CACNA1B: variants seen among roughly 807,000 people sequenced by gnomAD.
The protein encoded by CACNA1B is calcium voltage-gated channel subunit alpha1 B.
In CACNA1B, 70 loss-of-function variants were observed where a neutral mutation model predicts 247.2. The observed-to-expected ratio is 0.28, with a 90% CI of 0.23 to 0.35. CACNA1B has a LOEUF of 0.35. CACNA1B is among the 10% of genes least tolerant of loss of function. The pLI is 1.00. For synonymous variants in CACNA1B, 1,231 were observed against 1,294.4 expected, an observed-to-expected ratio of 0.95 and a Z score of 1.05; for missense variants, 2,367 against 3,197.4, an observed-to-expected ratio of 0.74 and a Z score of 6.26.
chr9:138,087,050 C>A (rs1004207476), intron 36 of CACNA1B, among the ~76,000 whole-genome samples: 19 of 151,152 alleles, frequency 1.3e-4, no homozygotes, highest in Non-Finnish European at 2.6e-4. Context: ...AATTAACATT[C>A]TCCTGAAAGA....
Position 138,014,601 on chromosome 9 carries a change from C to T in CACNA1B, c.2267+1366C>T, listed in dbSNP as rs971581915. The stretch of plus-strand genomic sequence containing the variant: ...AGTCCACTTAGTTTGGTTACTTGGT[C>T]CAGGGGTTTGCTACCAGGGCTCTGT... On this transcript the variant is annotated intron_variant, in intron 18 of 46. Coordinates refer to ENST00000371372, the MANE Select transcript of CACNA1B (RefSeq NM_000718.4). The surrounding 1 kb of genome is among the most constrained non-coding windows in gnomAD (Gnocchi z 6.2). 7.9e-5 allele frequency among the ~76,000 whole-genome samples: 12 copies of T among 152,104 alleles called. No homozygotes were observed. Among genetic ancestry groups the T allele is most frequent in the South Asian group, 4.1e-4 (2 of 4,822 alleles).
chr9:137,948,788 GGT>G (rs373631643), intron 6 of CACNA1B, among the ~76,000 whole-genome samples: 6 of 146,822 alleles, frequency 4.1e-5, no homozygotes, highest in African/African-American at 5.0e-5. Flanking sequence ...GTATGTGTGT[GGT>G]GTGTGTGTGT....
intron 6 of CACNA1B, among the ~76,000 whole-genome samples, chr9:137,943,088 G>A (rs12341378): frequency 8.1e-5 from 12 of 148,200 alleles, no homozygotes; most frequent in Non-Finnish European, 1.6e-4. Context: ...CTTTTGTAAA[G>A]CCTGCTGAAA....
At chr9:138,084,845 G>A (rs977242207) in intron 36 of CACNA1B, among the ~76,000 whole-genome samples, 4 of 150,598 alleles carry the variant, frequency 2.7e-5, no homozygotes, top group Non-Finnish European at 4.4e-5. Flanking sequence ...CCAGCTACTC[G>A]GGAGGCTGAG....
intron 20 of CACNA1B, among the ~76,000 whole-genome samples, chr9:138,039,926 A>G (rs986790327): frequency 2.6e-5 from 4 of 152,162 alleles, no homozygotes; most frequent in South Asian, 2.1e-4. Flanking sequence ...TGATCTGTCA[A>G]TAATTTTGTT....
chr9:138,073,143 G>C lies in CACNA1B; in HGVS notation c.4675-345G>C, dbSNP rs1277071124. On this transcript the variant is annotated intron_variant, in intron 32 of 46. Transcript: ENST00000371372. This position sits in a 1 kb window ranked among gnomAD's most constrained non-coding sequence, Gnocchi z 6.4. ...CCTGCAAGAGGTGGTCACTGCTGGAGGCCCAGCCACAGGTGATCTCCCAGC... is the reference window on the plus strand; with the variant it reads ...CCTGCAAGAGGTGGTCACTGCTGGACGCCCAGCCACAGGTGATCTCCCAGC... 6.6e-6 allele frequency among the ~76,000 whole-genome samples: 1 copy of C among 152,194 alleles called. No homozygotes were observed. Among genetic ancestry groups the C allele is most frequent in the African/African-American group, 2.4e-5 (1 of 41,448 alleles).
chr9:138,023,598 G>A lies in CACNA1B; in HGVS notation c.2855G>A (p.Gly952Asp). Reference sequence around the variant, plus strand: ...AGCAAGGAGTGCGCCGGCGCCAAGGGCGAGCGGCGCGCGCGGCACCGCGGC... The same window carrying A: ...AGCAAGGAGTGCGCCGGCGCCAAGGACGAGCGGCGCGCGCGGCACCGCGGC... ...DPSKECAGAK[G>D]ERRARHRGGP... Residue 952 changes from glycine to aspartate, a missense_variant, in exon 19 of 47, where the codon GGC (glycine) becomes GAC (aspartate). Around this residue, in one of 12 missense-constraint regions of CACNA1B, gnomAD observed 631 missense variants for 631.1 expected, o/e 1.00. Transcript: ENST00000371372. 7.3e-6 allele frequency: 8 copies of A among 1,097,498 alleles called. No individual in the cohort carries two copies. Among genetic ancestry groups the A allele is most frequent in the Non-Finnish European group, 8.9e-6 (8 of 900,420 alleles). 68.0% of individuals were successfully genotyped at this position (1,097,498 alleles called of 1,614,324 possible).
chr9:138,040,083 G>A (rs1389587556), intron 20 of CACNA1B, among the ~76,000 whole-genome samples: 4 of 151,992 alleles, frequency 2.6e-5, no homozygotes, highest in African/African-American at 4.8e-5. Flanking sequence ...GACCACAGGC[G>A]CACACCACCA....
rs577269599 is a variant in CACNA1B at position 138,044,458 on chromosome 9, C to T, written c.3413+558C>T. Among the ~76,000 whole-genome samples the T allele has an allele frequency of 2.5e-4, 38 of 152,260 alleles. No homozygotes were observed. The South Asian group carries it at 7.3e-3, about 29-fold the overall frequency. On this transcript the variant is annotated intron_variant, in intron 21 of 46. Coordinates refer to ENST00000371372, the MANE Select transcript of CACNA1B (RefSeq NM_000718.4). ...TAAGCCTGTGTGCTGGTGGGAGAGG[C>T]GGACGACAGACACGACAAATAAGTA...
intron 36 of CACNA1B, among the ~76,000 whole-genome samples, chr9:138,085,936 T>G (rs1358383087): frequency 2.0e-5 from 3 of 151,204 alleles, no homozygotes; most frequent in Non-Finnish European, 4.4e-5. Context: ...TGATAATTAC[T>G]ATCGTGAAAA....
intron 10 of CACNA1B, among the ~76,000 whole-genome samples, chr9:137,962,878 C>T (rs2133353977): frequency 6.6e-6 from 1 of 152,226 alleles, no homozygotes; most frequent in African/African-American, 2.4e-5. Context: ...GTGGAGAGTT[C>T]TGTATATATC....
At position 138,118,800 on chromosome 9, in the gene CACNA1B, C is replaced by T. The variant is rs200912818; in HGVS notation, c.6030+32C>T. 8 of 1,008,806 alleles carry T rather than the reference C, an allele frequency of 7.9e-6. 1 individual carries two copies. In the Admixed American group the frequency reaches 1.4e-4, roughly 17 times the overall value. The allele number at this position is 1,008,806 out of a possible 1,614,324, so 62.5% of individuals were successfully genotyped here. The stretch of plus-strand genomic sequence containing the variant: ...GGTCTGGGAGGGTCCAGGCCCTGGG[C>T]TGGGCAAGTGGGGGGTGGGGAAGTG... On this transcript the variant is annotated intron_variant, in intron 44 of 46. Coordinates refer to ENST00000371372, the MANE Select transcript of CACNA1B (RefSeq NM_000718.4).
chr9:137,976,314 A>G (rs1365898370), intron 12 of CACNA1B, among the ~76,000 whole-genome samples: 1 of 152,200 alleles, frequency 6.6e-6, no homozygotes, highest in African/African-American at 2.4e-5. Context: ...AGCTACCTCC[A>G]TGCCTGGGAT....
At chr9:138,106,629 G>A (rs1305085449) in intron 39 of CACNA1B, among the ~76,000 whole-genome samples, 1 of 152,164 alleles carries the variant, frequency 6.6e-6, no homozygotes, top group South Asian at 2.1e-4. Context: ...TTAGGTGGGC[G>A]TGGTGGTGGC....
At position 138,012,972 on chromosome 9, in the gene CACNA1B, C is replaced by T. The variant is rs1958743825; in HGVS notation, c.2161-157C>T. 6.6e-6 allele frequency among the ~76,000 whole-genome samples: 1 copy of T among 152,080 alleles called. No individual in the cohort carries two copies. On this transcript the variant is annotated intron_variant, in intron 17 of 46. Transcript: ENST00000371372. This position sits in a 1 kb window ranked among gnomAD's most constrained non-coding sequence, Gnocchi z 4.2. ...CTGTGGAACAGGTCGTGGGGGGCCA[C>T]ATTCACTCAGGGGTTGGCTGCCTGT...
chr9:138,017,255 G>A (rs1589071142), intron 18 of CACNA1B: 1 of 514,924 alleles, frequency 1.9e-6, no homozygotes, highest in African/African-American at 1.9e-5. Flanking sequence ...ACTACATGCA[G>A]ACACCTTCCT....
At position 138,057,257 on chromosome 9, in the gene CACNA1B, T is replaced by C. The variant is rs528637843; in HGVS notation, c.3969-475T>C. On this transcript the variant is annotated intron_variant, in intron 26 of 46. Transcript: ENST00000371372. The surrounding 1 kb of genome is among the most constrained non-coding windows in gnomAD (Gnocchi z 4.0). ...CGGCCTTTTTTATTTATTAGAATAG[T>C]TATTTACATATTCTAAATACAACTC... Among the ~76,000 whole-genome samples, 1 of 152,302 alleles carries C rather than the reference T, an allele frequency of 6.6e-6. No homozygotes were observed. The highest frequency in any genetic ancestry group is 6.5e-5 in the Admixed American group (1 of 15,304).
intron 15 of CACNA1B, among the ~76,000 whole-genome samples, chr9:137,991,112 A>G (rs1348519818): frequency 6.6e-6 from 1 of 152,246 alleles, no homozygotes; most frequent in African/African-American, 2.4e-5. Context: ...CCAGAAAAAG[A>G]ATTCTGAAGG....
chr9:138,036,201 G>T (rs566303472), intron 20 of CACNA1B, among the ~76,000 whole-genome samples: 1 of 151,810 alleles, frequency 6.6e-6, no homozygotes, highest in African/African-American at 2.4e-5. Flanking sequence ...GTGCAGTGGC[G>T]CAATCTTGGC....
Sources: gnomAD v4.1 joint callset for allele counts (sites outside exome capture counted in the v4.1 genomes callset) on GRCh38, gnomAD v4.1.1 for gene constraint, gnomAD v4.1.1 regional missense constraint, Gnocchi (gnomAD v3.1) non-coding constraint, MANE v1.5 for transcripts, NCBI Gene and HGNC (gene_info 2026-07-23, HGNC 2026-07-21) for gene names.